The following CHRM2 variants were observed in gnomAD, a reference collection of about 807,000 sequenced individuals.
CHRM2 encodes cholinergic receptor muscarinic 2, also known as muscarinic acetylcholine receptor M2.
Under a neutral mutation model 25.0 loss-of-function variants are expected in CHRM2, and 8 were observed. The ratio of observed to expected loss-of-function variants is 0.32; its 90% CI spans 0.19 to 0.58. The LOEUF (loss-of-function observed/expected upper bound fraction) is 0.58, where lower values mean the gene tolerates loss of function less well. Among genes scored for constraint, CHRM2 ranks in the 20% least tolerant of loss-of-function variants. The probability of loss-of-function intolerance (pLI) is 0.88; values close to 1 mark genes in which losing one functional copy is unlikely to be tolerated. For synonymous variants in CHRM2, 202 were observed against 205.7 expected (o/e 0.98, Z 0.15); for missense variants, 440 against 567.1 (o/e 0.78, Z 2.28).
intron 2 of CHRM2, among the ~76,000 whole-genome samples, chr7:136,892,301 A>C (rs565578361): frequency 6.6e-6 from 1 of 152,358 alleles, no homozygotes; most frequent in African/African-American, 2.4e-5. Flanking sequence ...GAAGACAGAA[A>C]GAACAAAATT....
intron 2 of CHRM2, among the ~76,000 whole-genome samples, chr7:136,875,052 T>C (rs1795994356): frequency 6.7e-6 from 1 of 150,054 alleles, no homozygotes; most frequent in Non-Finnish European, 1.5e-5. Context: ...AAAAAATGCA[T>C]GTGTGTGTAT....
chr7:136,912,425 TGAGAGA>T (rs1007358970), intron 2 of CHRM2, among the ~76,000 whole-genome samples: 6 of 151,924 alleles, frequency 3.9e-5, no homozygotes, highest in African/African-American at 1.4e-4. Flanking sequence ...AATATTTCTT[TGAGAGA>T]GAGAAAGATA....
intron 2 of CHRM2, among the ~76,000 whole-genome samples, chr7:136,978,615 C>T (rs534665120): frequency 5.3e-5 from 8 of 152,236 alleles, no homozygotes; most frequent in African/African-American, 1.7e-4. Flanking sequence ...CCACACCCCC[C>T]GACAGGCCCC....
chr7:136,963,794 A>T (rs943266145), intron 2 of CHRM2, among the ~76,000 whole-genome samples: 3 of 140,738 alleles, frequency 2.1e-5, no homozygotes, highest in Admixed American at 2.1e-4. Context: ...TGCATTAATT[A>T]AAAAAAAAAA....
intron 2 of CHRM2, among the ~76,000 whole-genome samples, chr7:136,990,696 T>C (rs1341719531): frequency 6.6e-6 from 1 of 152,176 alleles, no homozygotes; most frequent in Non-Finnish European, 1.5e-5. Context: ...CAGGTTTTTG[T>C]GTGGACATGT....
intron 2 of CHRM2, among the ~76,000 whole-genome samples, chr7:136,958,145 A>G (rs941468764): frequency 5.9e-5 from 9 of 152,310 alleles, no homozygotes; most frequent in Middle Eastern, 3.4e-3. Flanking sequence ...TGCTAACGGA[A>G]ATGAGCCAGT....
intron 2 of CHRM2, among the ~76,000 whole-genome samples, chr7:136,893,990 CT>C: frequency 6.6e-6 from 1 of 152,274 alleles, no homozygotes; most frequent in South Asian, 2.1e-4. Flanking sequence ...CTTCTCTTGG[CT>C]TTTGGTCAAA....
intron 2 of CHRM2, among the ~76,000 whole-genome samples, chr7:136,886,744 C>A (rs948335321): frequency 5.9e-5 from 9 of 151,908 alleles, no homozygotes; most frequent in Non-Finnish European, 1.3e-4. Context: ...TGGTGGTGCA[C>A]ACTTGTAGTC....
At chr7:136,918,422 C>T (rs370099251) in intron 2 of CHRM2, among the ~76,000 whole-genome samples, 4 of 151,828 alleles carry the variant, frequency 2.6e-5, no homozygotes, top group African/African-American at 9.7e-5. Flanking sequence ...TGAATTTTAC[C>T]TTAAAACTAT....
At chr7:137,006,724 T>C (rs1439952547) in intron 3 of CHRM2, among the ~76,000 whole-genome samples, 2 of 152,060 alleles carry the variant, frequency 1.3e-5, no homozygotes, top group African/African-American at 4.8e-5. Context: ...TACAGCTTGA[T>C]AAAATGCAGT....
At chr7:136,997,792 C>T (rs1323969852) in intron 3 of CHRM2, among the ~76,000 whole-genome samples, 1 of 152,176 alleles carries the variant, frequency 6.6e-6, no homozygotes, top group East Asian at 1.9e-4. Context: ...ATGCCCTCTC[C>T]AGAAGACTTT....
chr7:136,945,201 T>C (rs1324468956), intron 2 of CHRM2, among the ~76,000 whole-genome samples: 1 of 152,158 alleles, frequency 6.6e-6, no homozygotes, highest in African/African-American at 2.4e-5. Context: ...CAGCTGATTA[T>C]TTCTTTTGTT....
chr7:136,969,562 T>C (rs1220994138), intron 2 of CHRM2, among the ~76,000 whole-genome samples: 1 of 152,190 alleles, frequency 6.6e-6, no homozygotes, highest in Non-Finnish European at 1.5e-5. Context: ...CTGTGTTGTT[T>C]TGGCTGGGCC....
In CHRM2 at chr7:136,938,192, C is replaced by T. The variant is rs116788051; in HGVS notation, c.-124-53995C>T. 795 of 746,616 alleles carry T rather than the reference C, an allele frequency of 1.1e-3. 5 individuals carry two copies. In the African/African-American group the frequency reaches 0.012, roughly 11 times the overall value. The allele number at this position is 746,616 out of a possible 1,614,324, so 46.2% of individuals were successfully genotyped here. A position where few individuals can be genotyped will look rare whatever the true frequency, so the allele number is the denominator to read the frequency against. ...CCCACTCTTCTGGAAGAGTCCATCG[C>T]ACAGCAGGTTACTTCTCACTCAGGG... On this transcript the variant is annotated intron_variant, in intron 2 of 3. Coordinates refer to ENST00000680005, the MANE Select transcript of CHRM2 (RefSeq NM_001006630.2).
At chr7:136,956,284 T>C (rs1800720065) in intron 2 of CHRM2, among the ~76,000 whole-genome samples, 1 of 152,200 alleles carries the variant, frequency 6.6e-6, no homozygotes, top group South Asian at 2.1e-4. Context: ...GTCAGCGGTC[T>C]TTTTGTTTTG....
intron 2 of CHRM2, among the ~76,000 whole-genome samples, chr7:136,970,249 CTTATCTCT>C (rs1408653380): frequency 6.6e-6 from 1 of 152,002 alleles, no homozygotes; most frequent in Non-Finnish European, 1.5e-5. Context: ...TATCTTGGTC[CTTATCTCT>C]TTATCTCTTT....
chr7:136,923,196 T>A (rs1338566105), intron 2 of CHRM2, among the ~76,000 whole-genome samples: 3 of 151,824 alleles, frequency 2.0e-5, no homozygotes, highest in Non-Finnish European at 4.4e-5. Flanking sequence ...AGGAGAGTAC[T>A]ACTACATCTT....
At chr7:136,895,512 T>A (rs1423918253) in intron 2 of CHRM2, among the ~76,000 whole-genome samples, 1 of 152,202 alleles carries the variant, frequency 6.6e-6, no homozygotes, top group Non-Finnish European at 1.5e-5. Flanking sequence ...TTTCTGCTCT[T>A]TTGGCCATGC....
intron 2 of CHRM2, among the ~76,000 whole-genome samples, chr7:136,962,561 G>C (rs1473533381): frequency 1.3e-5 from 2 of 152,128 alleles, no homozygotes; most frequent in African/African-American, 2.4e-5. Context: ...CATTTGTTAA[G>C]CTTTCCATAT....
Sources: allele counts gnomAD v4.1 joint callset (sites outside exome capture counted in the v4.1 genomes callset), GRCh38; gene constraint gnomAD v4.1.1; transcripts MANE v1.5; gene names NCBI Gene and HGNC (gene_info 2026-07-23, HGNC 2026-07-21).